The following PDE4D variants were observed in gnomAD, a reference collection of about 807,000 sequenced individuals.
The protein encoded by PDE4D is phosphodiesterase 4D.
PDE4D carries 24 observed loss-of-function variants against 87.4 expected under a neutral mutation model. That is an observed-to-expected ratio of 0.27 (90% CI 0.20 to 0.39). The LOEUF (loss-of-function observed/expected upper bound fraction) is 0.39, where lower values mean the gene tolerates loss of function less well. PDE4D is among the 10% of genes least tolerant of loss of function. The probability of loss-of-function intolerance (pLI) is 1.00; values close to 1 mark genes in which losing one functional copy is unlikely to be tolerated. For synonymous variants in PDE4D, 384 were observed against 383.2 expected (o/e 1.00, Z -0.02); for missense variants, 714 against 1,041.0 (o/e 0.69, Z 4.32).
In PDE4D at chr5:59,878,310, AAT is replaced by A. The variant is rs1748909048; in HGVS notation, c.455+14856_455+14857del. ...CAAGTGATCTATCCACAACACTGCA[AAT>A]TTCCTCTGCAGATGAGCGTTTTCAA... On this transcript the variant is annotated intron_variant, in intron 1 of 14. Transcript: ENST00000340635. Among the ~76,000 whole-genome samples the A allele has an allele frequency of 3.3e-5, 5 of 152,288 alleles. No individual in the cohort carries two copies. In the South Asian group the frequency reaches 1.0e-3, roughly 32 times the overall value.
At chr5:60,093,041 T>C (rs1019428003) in intron 2 of PDE4D, among the ~76,000 whole-genome samples, 10 of 152,054 alleles carry the variant, frequency 6.6e-5, no homozygotes, top group Non-Finnish European at 1.3e-4. Context: ...ACATATCTGA[T>C]AGATTGAATG....
intron 1 of PDE4D, among the ~76,000 whole-genome samples, chr5:59,495,159 T>C (rs969491933): frequency 6.6e-6 from 1 of 152,200 alleles, no homozygotes; most frequent in Admixed American, 6.5e-5. Context: ...TGGATATAAC[T>C]TGCTCAGCTC....
intron 1 of PDE4D, among the ~76,000 whole-genome samples, chr5:60,300,962 G>T (rs371506249): frequency 2.0e-5 from 3 of 151,992 alleles, no homozygotes; most frequent in Non-Finnish European, 4.4e-5. Flanking sequence ...GTAGACATGG[G>T]GTTTCTCCAT....
At chr5:60,342,600 G>C (rs114466322) in intron 1 of PDE4D, among the ~76,000 whole-genome samples, 1 of 152,064 alleles carries the variant, frequency 6.6e-6, no homozygotes, top group Non-Finnish European at 1.5e-5. Context: ...TGGTCTTAAA[G>C]GTGAAGAATA....
chr5:59,174,790 C>T (rs1279596868), intron 5 of PDE4D, among the ~76,000 whole-genome samples: 2 of 152,040 alleles, frequency 1.3e-5, no homozygotes, highest in African/African-American at 4.8e-5. Flanking sequence ...ACCATGGACT[C>T]GAAAAAGGAA....
intron 1 of PDE4D, among the ~76,000 whole-genome samples, chr5:59,673,354 C>G (rs1747529849): frequency 6.6e-6 from 1 of 152,088 alleles, no homozygotes; most frequent in African/African-American, 2.4e-5. Context: ...TTCCTTGTTA[C>G]TAGTATGTTT....
intron 2 of PDE4D, among the ~76,000 whole-genome samples, chr5:60,121,652 C>T (rs553059265): frequency 6.6e-6 from 1 of 152,222 alleles, no homozygotes; most frequent in East Asian, 1.9e-4. Flanking sequence ...CCTCCCACAA[C>T]ATGTGGGAAT....
At chr5:60,450,716 T>C (rs1428218803) in intron 1 of PDE4D, among the ~76,000 whole-genome samples, 1 of 152,118 alleles carries the variant, frequency 6.6e-6, no homozygotes, top group East Asian at 1.9e-4. Context: ...AAATACAAGT[T>C]TCATTGACCT....
At chr5:59,501,598 A>G (rs927551046) in intron 1 of PDE4D, among the ~76,000 whole-genome samples, 7 of 152,234 alleles carry the variant, frequency 4.6e-5, no homozygotes, top group Admixed American at 4.6e-4. Flanking sequence ...AGAGGAAAAT[A>G]GACTTTCCAG....
intron 1 of PDE4D, chr5:60,185,820 C>G: frequency 3.2e-6 from 1 of 308,740 alleles, no homozygotes; most frequent in South Asian, 1.1e-4. Context: ...GTGTTTAAAG[C>G]AATAAAAAAG....
chr5:59,405,734 T>C (rs1256812516), intron 1 of PDE4D, among the ~76,000 whole-genome samples: 2 of 152,216 alleles, frequency 1.3e-5, no homozygotes, highest in Non-Finnish European at 2.9e-5. Flanking sequence ...TTTTTGAGTT[T>C]TTATCATGAA....
intron 3 of PDE4D, among the ~76,000 whole-genome samples, chr5:59,981,803 G>A (rs1041547273): frequency 6.6e-6 from 1 of 152,120 alleles, no homozygotes; most frequent in African/African-American, 2.4e-5. Context: ...AAGTTTAAAA[G>A]GCCAAATTTG....
chr5:59,649,223 G>T (rs1485884447), intron 1 of PDE4D, among the ~76,000 whole-genome samples: 3 of 152,182 alleles, frequency 2.0e-5, no homozygotes, highest in Admixed American at 2.0e-4. Flanking sequence ...AGATTTTACT[G>T]CCTTGGTGAA....
intron 1 of PDE4D, among the ~76,000 whole-genome samples, chr5:59,404,210 C>G (rs1412543413): frequency 6.6e-6 from 1 of 152,164 alleles, no homozygotes; most frequent in Non-Finnish European, 1.5e-5. Context: ...AATCCCTTGT[C>G]AGATGGATAG....
At chr5:59,356,635 T>G (rs939193558) in intron 1 of PDE4D, 21 of 722,540 alleles carry the variant, frequency 2.9e-5, no homozygotes, top group Non-Finnish European at 4.1e-5. Flanking sequence ...GGCTCTTATT[T>G]AATATATTGT....
At chr5:59,861,628 C>G (rs1746301036) in intron 1 of PDE4D, among the ~76,000 whole-genome samples, 1 of 152,186 alleles carries the variant, frequency 6.6e-6, no homozygotes, top group Non-Finnish European at 1.5e-5. Flanking sequence ...CATTCCTGTT[C>G]TATGGTTAAT....
intron 1 of PDE4D, among the ~76,000 whole-genome samples, chr5:59,230,459 T>C (rs942118108): frequency 3.3e-5 from 5 of 152,210 alleles, no homozygotes; most frequent in Admixed American, 3.3e-4. Context: ...TATTTAGGCT[T>C]ACTAAAAATT....
At chr5:59,356,405 GT>G (rs796509724) in intron 1 of PDE4D, among the ~76,000 whole-genome samples, 1 of 151,860 alleles carries the variant, frequency 6.6e-6, no homozygotes, top group Non-Finnish European at 1.5e-5. Flanking sequence ...ATAATGTAGT[GT>G]TTTTTTTGTT....
At chr5:59,326,781 G>T (rs1056892185) in intron 1 of PDE4D, among the ~76,000 whole-genome samples, 2 of 152,056 alleles carry the variant, frequency 1.3e-5, no homozygotes, top group Non-Finnish European at 1.5e-5. Flanking sequence ...GCTTGGAAAA[G>T]ACACATAACT....
Sources: gnomAD v4.1 joint callset for allele counts (sites outside exome capture counted in the v4.1 genomes callset) on GRCh38, gnomAD v4.1.1 for gene constraint, MANE v1.5 for transcripts, NCBI Gene and HGNC (gene_info 2026-07-23, HGNC 2026-07-21) for gene names.